The following NDST4 variants were observed in gnomAD, a reference collection of about 807,000 sequenced individuals.
NDST4 encodes the protein N-deacetylase and N-sulfotransferase 4.
A neutral mutation model predicts 100.8 loss-of-function variants in NDST4; 63 were observed. The ratio of observed to expected loss-of-function variants is 0.62; its 90% CI spans 0.51 to 0.77. NDST4 has a LOEUF of 0.77. Ranked by LOEUF, NDST4 falls within the 30% of genes least tolerant of loss-of-function variation. NDST4 has a pLI of 0.00. For synonymous variants in NDST4, 377 were observed against 361.8 expected, an observed-to-expected ratio of 1.04 and a Z score of -0.48; for missense variants, 943 against 1,018.4, an observed-to-expected ratio of 0.93 and a Z score of 1.01.
chr4:115,106,062 G>GAC lies in NDST4; in HGVS notation c.-247+7380_-247+7381dup, dbSNP rs139103178. 3.5e-3 allele frequency among the ~76,000 whole-genome samples: 528 copies of GAC among 152,106 alleles called. 2 individuals carry two copies. Among genetic ancestry groups the GAC allele is most frequent in the African/African-American group, 0.012 (502 of 41,504 alleles). On this transcript the variant is annotated intron_variant, in intron 1 of 13. Transcript: ENST00000264363. The stretch of plus-strand genomic sequence containing the variant: ...AGCTTTTGGATAAATGGGGAGCGCT[G>GAC]ACACACACACAGCAATTACATCATA...
intron 6 of NDST4, among the ~76,000 whole-genome samples, chr4:114,902,595 C>CT (rs1724868447): frequency 6.6e-6 from 1 of 151,956 alleles, no homozygotes; most frequent in Non-Finnish European, 1.5e-5. Context: ...TCCTGGATCT[C>CT]TGGTTTGGTG....
At chr4:114,874,326 G>GA (rs1724213174) in intron 6 of NDST4, among the ~76,000 whole-genome samples, 7 of 151,564 alleles carry the variant, frequency 4.6e-5, no homozygotes, top group African/African-American at 1.7e-4. Flanking sequence ...TTTGTTTGAT[G>GA]GAAAAAAAAG....
chr4:114,952,192 G>A (rs1232073538), intron 4 of NDST4, among the ~76,000 whole-genome samples: 1 of 152,134 alleles, frequency 6.6e-6, no homozygotes. Context: ...ATCCAGAAAA[G>A]ACAGATGTAA....
At chr4:114,865,997 T>G (rs1400180682) in intron 7 of NDST4, among the ~76,000 whole-genome samples, 1 of 152,162 alleles carries the variant, frequency 6.6e-6, no homozygotes, top group South Asian at 2.1e-4. Context: ...TAAATTTTGA[T>G]TAGGAAAAAA....
intron 2 of NDST4, among the ~76,000 whole-genome samples, chr4:115,002,131 G>A: frequency 6.6e-6 from 1 of 152,168 alleles, no homozygotes; most frequent in East Asian, 1.9e-4. Flanking sequence ...GTGTAAAAGG[G>A]TTCTTATTTC....
At chr4:114,957,400 T>C (rs1726164072) in intron 4 of NDST4, among the ~76,000 whole-genome samples, 1 of 152,110 alleles carries the variant, frequency 6.6e-6, no homozygotes, top group South Asian at 2.1e-4. Flanking sequence ...TTATTCACTA[T>C]CAAAAGAATA....
At chr4:114,962,268 G>T (rs780792464) in intron 4 of NDST4, among the ~76,000 whole-genome samples, 1 of 151,940 alleles carries the variant, frequency 6.6e-6, no homozygotes, top group Non-Finnish European at 1.5e-5. Context: ...ATTTGTTCTT[G>T]CCATTTCTAT....
At chr4:114,862,415 A>G (rs751408339) in intron 7 of NDST4, among the ~76,000 whole-genome samples, 2 of 152,128 alleles carry the variant, frequency 1.3e-5, no homozygotes, top group Non-Finnish European at 2.9e-5. Flanking sequence ...CTCAACCTAT[A>G]CTTATTGAAT....
At chr4:115,106,621 GA>G (rs1220348473) in intron 1 of NDST4, among the ~76,000 whole-genome samples, 4 of 151,994 alleles carry the variant, frequency 2.6e-5, no homozygotes, top group Non-Finnish European at 4.4e-5. Flanking sequence ...GTAATGACAG[GA>G]AAAAATGCCT....
intron 2 of NDST4, among the ~76,000 whole-genome samples, chr4:115,061,421 C>A (rs1046013809): frequency 1.3e-5 from 2 of 152,116 alleles, no homozygotes; most frequent in Non-Finnish European, 2.9e-5. Context: ...GGCACATATA[C>A]ACCATGGAAT....
At chr4:114,863,510 G>A (rs1302410970) in intron 7 of NDST4, among the ~76,000 whole-genome samples, 1 of 152,160 alleles carries the variant, frequency 6.6e-6, no homozygotes, top group African/African-American at 2.4e-5. Context: ...TGTTTCTATT[G>A]TTTTAATTTT....
intron 2 of NDST4, among the ~76,000 whole-genome samples, chr4:115,032,655 C>A (rs956164249): frequency 6.6e-6 from 1 of 152,046 alleles, no homozygotes; most frequent in African/African-American, 2.4e-5. Flanking sequence ...TTGTAATCTT[C>A]ATGAAATTAC....
At chr4:115,083,379 G>A (rs913904717) in intron 1 of NDST4, among the ~76,000 whole-genome samples, 3 of 152,188 alleles carry the variant, frequency 2.0e-5, no homozygotes, top group Admixed American at 1.3e-4. Flanking sequence ...AGTTTACCTT[G>A]AGCCCAAGAG....
intron 2 of NDST4, among the ~76,000 whole-genome samples, chr4:115,036,642 C>G (rs1728238735): frequency 6.6e-6 from 1 of 151,772 alleles, no homozygotes; most frequent in Non-Finnish European, 1.5e-5. Context: ...ACCCAAATTC[C>G]ACTCTGAGTT....
rs1301957972 is a variant in NDST4, at chr4:115,076,642, A to G, written c.395T>C (p.Ile132Thr). ...GACATACTTCAGAATATTTTCATAAATAACTAAAGTATATTTCCCTTTGCC... is the reference window on the plus strand; with the variant it reads ...GACATACTTCAGAATATTTTCATAAGTAACTAAAGTATATTTCCCTTTGCC... Reference protein sequence around the residue: ...DNGKGKYTLVIYENILKYVSM... With the variant: ...DNGKGKYTLVTYENILKYVSM... The change falls in exon 2 of 14, where the codon ATT becomes ACT. Residue 132 changes from isoleucine (I) to threonine (T), a missense_variant. Physicochemically the swap from Ile to Thr is moderately conservative, Grantham distance 89 (BLOSUM62 -1). This residue lies in a region of NDST4 where 417 missense variants were observed against 384.2 expected (regional missense o/e 1.09). Transcript: ENST00000264363. 1.9e-6 allele frequency: 3 copies of G among 1,613,866 alleles called. No homozygotes were observed. The highest frequency in any genetic ancestry group is 2.5e-6 in the Non-Finnish European group (3 of 1,179,862).
Position 114,859,285 on chromosome 4 carries a change from T to C in NDST4, c.1720-6464A>G, listed in dbSNP as rs1723867055. ...ATTTCTTCTAGGCCAGCAAAAATGC[T>C]AGACAAAGGTGGGGGAAATACAGAA... On this transcript the variant is annotated intron_variant, in intron 7 of 13. Coordinates refer to ENST00000264363, the MANE Select transcript of NDST4 (RefSeq NM_022569.3). Among the ~76,000 whole-genome samples the C allele has an allele frequency of 5.9e-5, 9 of 152,136 alleles. No homozygotes were observed. The South Asian group carries it at 1.9e-3, about 32-fold the overall frequency.
chr4:115,011,027 A>G (rs1034603058), intron 2 of NDST4, among the ~76,000 whole-genome samples: 8 of 152,034 alleles, frequency 5.3e-5, no homozygotes, highest in African/African-American at 1.9e-4. Flanking sequence ...TAATAATTTA[A>G]TTTTCATATG....
At chr4:114,964,733 C>T (rs964688832) in intron 4 of NDST4, among the ~76,000 whole-genome samples, 1 of 152,108 alleles carries the variant, frequency 6.6e-6, no homozygotes, top group African/African-American at 2.4e-5. Flanking sequence ...AAGCTTAATG[C>T]CCCTTGATTA....
chr4:114,953,469 CA>C (rs1726066624), intron 4 of NDST4, among the ~76,000 whole-genome samples: 1 of 152,024 alleles, frequency 6.6e-6, no homozygotes, highest in Admixed American at 6.6e-5. Flanking sequence ...CACAAGAGCT[CA>C]AAAACTCTAG....
Sources: allele counts gnomAD v4.1 joint callset (sites outside exome capture counted in the v4.1 genomes callset), GRCh38; gene constraint gnomAD v4.1.1; regional missense constraint gnomAD v4.1.1; transcripts MANE v1.5; gene names NCBI Gene and HGNC (gene_info 2026-07-23, HGNC 2026-07-21).